Variants in NOTCH3 observed in about 807,000 individuals in gnomAD.
NOTCH3 encodes the protein notch receptor 3, also known as neurogenic locus notch homolog protein 3.
NOTCH3 carries 86 observed loss-of-function variants against 213.3 expected under a neutral mutation model. The observed-to-expected ratio is 0.40, with a 90% CI of 0.34 to 0.48. NOTCH3 has a LOEUF of 0.48. Among genes scored for constraint, NOTCH3 ranks in the 20% least tolerant of loss-of-function variants. The pLI is 0.57. For synonymous variants in NOTCH3, 1,354 were observed against 1,355.9 expected, an observed-to-expected ratio of 1.00 and a Z score of 0.03; for missense variants, 2,783 against 3,272.6, an observed-to-expected ratio of 0.85 and a Z score of 3.65.
intron 24 of NOTCH3, among the ~76,000 whole-genome samples, chr19:15,175,773 C>G (rs887667082): frequency 1.1e-4 from 17 of 151,132 alleles, no homozygotes; most frequent in African/African-American, 4.1e-4. Flanking sequence ...GGGAAGGGAA[C>G]AGCCAGGCAG....
chr19:15,161,982 C>CT (rs71168583), intron 32 of NOTCH3, among the ~76,000 whole-genome samples: 2,393 of 114,688 alleles, frequency 0.021, 134 homozygotes, highest in Non-Finnish European at 0.03. Context: ...TTTTTCTTGT[C>CT]TTTTTTTTTT....
chr19:15,162,527 T>C lies in NOTCH3; in HGVS notation c.5851A>G (p.Asn1951Asp), dbSNP rs1482876158. 6.2e-7 allele frequency: 1 copy of C among 1,614,046 alleles called. No individual in the cohort carries two copies. The highest frequency in any genetic ancestry group is 1.7e-5 in the Admixed American group (1 of 60,020). ...AGCAGGGCCAAAGTGGCTTCCACGT[T>C]GTTCACAGCCGCAGCCCAGTGTAAG... The part of the protein sequence containing the change: ...SALHWAAAVN[N>D]VEATLALLKN... Residue 1951 changes from asparagine to aspartate, a missense_variant, in exon 32 of 33, where the codon AAC becomes GAC. Physicochemically the swap from Asn to Asp is conservative, Grantham distance 23 (BLOSUM62 1). Coordinates refer to ENST00000263388, the MANE Select transcript of NOTCH3 (RefSeq NM_000435.3).
chr19:15,173,098 CT>C lies in NOTCH3; in HGVS notation c.4736+969del, dbSNP rs1568351329. Among the ~76,000 whole-genome samples, 35 of 48,920 alleles carry C rather than the reference CT, an allele frequency of 7.2e-4. 7 individuals carry two copies. In the African/African-American group the frequency reaches 7.2e-3, roughly 10 times the overall value. 32.1% of individuals were successfully genotyped at this position (48,920 alleles called of 152,430 possible). On this transcript the variant is annotated intron_variant, in intron 25 of 32. Transcript: ENST00000263388. The stretch of plus-strand genomic sequence containing the variant: ...TCTTCTTCTTCTTCTTCTTCTTCTT[CT>C]TCTTCTTTTTTTTTTTTTTTTTTTT...
chr19:15,186,804 C>T, intron 12 of NOTCH3, 74 bp downstream of exon 12: 2 of 1,226,266 alleles, frequency 1.6e-6, no homozygotes, highest in African/African-American at 1.5e-5. Context: ...AAGATACGGG[C>T]AAAACAGGCC....
chr19:15,167,298 T>C lies in NOTCH3; in HGVS notation c.5313A>G (p.Pro1771=). The C allele has an allele frequency of 6.2e-7, 1 of 1,613,714 alleles. No individual in the cohort carries two copies. Among genetic ancestry groups the C allele is most frequent in the South Asian group, 1.1e-5 (1 of 91,086 alleles). ...TGCCATCAGCATCTGCGTCGCCCTG[T>C]GGTGGTGTCAGTGCCATGGCTGGTG... ...RVAPAMALTP[P]QGDADADGMD... is the part of the protein sequence containing the mutation. The change falls in exon 29 of 33, where the codon CCA becomes CCG. Residue 1771 remains proline (P), a synonymous_variant. Transcript: ENST00000263388.
chr19:15,173,095 CTTCTTCTTCTTTTTTTTTTTTT>C lies in NOTCH3; in HGVS notation c.4736+951_4736+972del, dbSNP rs2046751712. Among the ~76,000 whole-genome samples the C allele has an allele frequency of 9.0e-5, 4 of 44,448 alleles. No individual in the cohort carries two copies. The African/African-American group carries it at 9.6e-4, about 11-fold the overall frequency. The allele number at this position is 44,448 out of a possible 152,430, so 29.2% of individuals were successfully genotyped here. ...TCTTCTTCTTCTTCTTCTTCTTCTT[CTTCTTCTTCTTTTTTTTTTTTT>C]TTTTTTTTTTTAAGAGATCGGAGGC... On this transcript the variant is annotated intron_variant, in intron 25 of 32. Coordinates refer to ENST00000263388, the MANE Select transcript of NOTCH3 (RefSeq NM_000435.3).
chr19:15,160,507 G>A lies in NOTCH3; in HGVS notation c.*155C>T. The stretch of plus-strand genomic sequence containing the variant: ...AGGAAGACTGAAGCCCTGGGCTGAT[G>A]ACCTATCTCGGTCACGCTGCAAGGC... On this transcript the variant is annotated 3_prime_UTR_variant, in exon 33 of 33. Coordinates refer to ENST00000263388, the MANE Select transcript of NOTCH3 (RefSeq NM_000435.3). The A allele has an allele frequency of 1.3e-6, 1 of 744,436 alleles. No individual in the cohort carries two copies. The highest frequency in any genetic ancestry group is 2.4e-6 in the Non-Finnish European group (1 of 410,366). The allele number at this position is 744,436 out of a possible 1,614,324, so 46.1% of individuals were successfully genotyped here.
At chr19:15,198,212 G>A (rs995826299) in intron 1 of NOTCH3, among the ~76,000 whole-genome samples, 1 of 152,226 alleles carries the variant, frequency 6.6e-6, no homozygotes, top group African/African-American at 2.4e-5. Context: ...CATCCCTAAG[G>A]GCTGTGTCCC....
At position 15,180,265 on chromosome 19, in the gene NOTCH3, A is replaced by G. The variant is rs1414004403; in HGVS notation, c.3143-9T>C. The G allele has an allele frequency of 6.2e-7, 1 of 1,613,668 alleles. No individual in the cohort carries two copies. Among genetic ancestry groups the G allele is most frequent in the Non-Finnish European group, 8.5e-7 (1 of 1,179,978 alleles). ...CTGCTCCAGCCGCACCCCTGCAAAG[A>G]GGAGAGTGGCACAGGAACAGAGGTA... On this transcript the variant is annotated splice_polypyrimidine_tract_variant and intron_variant, in intron 19 of 32. Coordinates refer to ENST00000263388, the MANE Select transcript of NOTCH3 (RefSeq NM_000435.3).
chr19:15,197,401 C>A, intron 2 of NOTCH3, 99 bp downstream of exon 2: 1 of 1,078,088 alleles, frequency 9.3e-7, no homozygotes, highest in Non-Finnish European at 1.4e-6. Flanking sequence ...GTGGTAGAGA[C>A]ATCCATGGTG....
chr19:15,187,824 T>A (rs2046896055), intron 10 of NOTCH3, 57 bp downstream of exon 10: 1 of 1,384,794 alleles, frequency 7.2e-7, no homozygotes, highest in Non-Finnish European at 1.0e-6. Flanking sequence ...TTATTGGCCC[T>A]GTCGCCCACA....
At chr19:15,197,632 G>T in intron 1 of NOTCH3, 54 bp from the exon 2 acceptor site, 1 of 1,542,582 alleles carries the variant, frequency 6.5e-7, no homozygotes, top group Non-Finnish European at 8.9e-7. Context: ...GGAACCCCAG[G>T]CCCAAGTGAC....
intron 1 of NOTCH3, among the ~76,000 whole-genome samples, 171 bp from the exon 2 acceptor site, chr19:15,197,749 GC>G (rs2046981810): frequency 1.3e-5 from 1 of 78,700 alleles, no homozygotes; most frequent in African/African-American, 5.1e-5. Context: ...CCCCCCCCCC[GC>G]CCCAGCCCCA....
chr19:15,178,045 C>G lies in NOTCH3; in HGVS notation c.3883G>C (p.Glu1295Gln). 2 of 1,518,634 alleles carry G rather than the reference C, an allele frequency of 1.3e-6. No individual in the cohort carries two copies. The highest frequency in any genetic ancestry group is 1.2e-5 in the South Asian group (1 of 83,162). The allele number at this position is 1,518,634 out of a possible 1,614,324, so 94.1% of individuals were successfully genotyped here. ...GGGACGCCCACCGGGCACTGCAGCT[C>G]CCGGCAGGAGCGCGCCACCCGCTCG... Reference protein sequence around the residue: ...RCERVARSCRELQCPVGVPCQ... With the variant: ...RCERVARSCRQLQCPVGVPCQ... The change falls in exon 24 of 33, where the codon GAG (glutamate) becomes CAG (glutamine). Residue 1295 changes from glutamate (E) to glutamine (Q), a missense_variant. By Grantham distance (29) the Glu-to-Gln change is conservative. This residue lies in a region of NOTCH3 where 861 missense variants were observed against 909.1 expected (regional missense o/e 0.95). Transcript: ENST00000263388.
chr19:15,190,646 C>T (rs2046919880), intron 6 of NOTCH3, among the ~76,000 whole-genome samples: 1 of 152,222 alleles, frequency 6.6e-6, no homozygotes, highest in Admixed American at 6.5e-5. Context: ...AACGCAGTGG[C>T]TCAGTCTCAG....
At chr19:15,162,122 C>G (rs974589767) in intron 32 of NOTCH3, among the ~76,000 whole-genome samples, 1 of 151,284 alleles carries the variant, frequency 6.6e-6, no homozygotes, top group African/African-American at 2.4e-5. Flanking sequence ...GCTGGGACTA[C>G]AGGTGTGCAC....
intron 31 of NOTCH3, among the ~76,000 whole-genome samples, chr19:15,163,856 T>C (rs1169928501): frequency 6.6e-6 from 1 of 151,738 alleles, no homozygotes; most frequent in Non-Finnish European, 1.5e-5. Context: ...AAAAAAGTGG[T>C]CCATCGACAC....
chr19:15,163,568 C>T (rs535253891), intron 31 of NOTCH3, among the ~76,000 whole-genome samples: 49 of 152,180 alleles, frequency 3.2e-4, no homozygotes, highest in Non-Finnish European at 6.6e-4. Context: ...CAGTGGCTCA[C>T]GCCTATAATC....
At chr19:15,191,901 G>C in intron 4 of NOTCH3, 34 bp from the exon 5 acceptor site, 2 of 1,613,788 alleles carry the variant, frequency 1.2e-6, no homozygotes, top group South Asian at 1.1e-5. Context: ...GGTCACCGCC[G>C]GGCTGGCCTG....
Sources: gnomAD v4.1 joint callset for allele counts (sites outside exome capture counted in the v4.1 genomes callset) on GRCh38, gnomAD v4.1.1 for gene constraint, gnomAD v4.1.1 regional missense constraint, MANE v1.5 for transcripts, NCBI Gene and HGNC (gene_info 2026-07-23, HGNC 2026-07-21) for gene names.